The following DAB1 variants were observed in gnomAD, a reference collection of about 807,000 sequenced individuals.
DAB1 encodes DAB adaptor protein 1.
A neutral mutation model predicts 64.6 loss-of-function variants in DAB1; 15 were observed. That is an observed-to-expected ratio of 0.23 (90% CI 0.16 to 0.36). The LOEUF is 0.36. Ranked by LOEUF, DAB1 falls within the 10% of genes least tolerant of loss-of-function variation. The pLI is 1.00. For missense variants in DAB1, 596 were observed against 706.7 expected (o/e 0.84, Z 1.78); for synonymous variants, 235 against 251.9 (o/e 0.93, Z 0.64).
chr1:57,433,729 G>A (rs1218482000), intron 7 of DAB1, among the ~76,000 whole-genome samples: 2 of 151,268 alleles, frequency 1.3e-5, no homozygotes, highest in African/African-American at 4.9e-5. Context: ...ACAAACTTGG[G>A]GAAAATATTC....
intron 1 of DAB1, among the ~76,000 whole-genome samples, chr1:57,341,227 G>A (rs1677555301): frequency 6.6e-6 from 1 of 152,058 alleles, no homozygotes; most frequent in South Asian, 2.1e-4. Context: ...CTCTAATCTA[G>A]GGTTCCCTAC....
intron 4 of DAB1, among the ~76,000 whole-genome samples, chr1:57,084,446 G>A (rs1652855465): frequency 6.6e-6 from 1 of 152,166 alleles, no homozygotes; most frequent in Admixed American, 6.5e-5. Flanking sequence ...AAACATTTCT[G>A]TTGTTTCAGC....
At chr1:57,542,579 G>A (rs1042191225) in intron 7 of DAB1, among the ~76,000 whole-genome samples, 9 of 151,702 alleles carry the variant, frequency 5.9e-5, no homozygotes, top group African/African-American at 2.2e-4. Flanking sequence ...GGGAGAGGCT[G>A]GAAAACTACA....
intron 2 of DAB1, among the ~76,000 whole-genome samples, chr1:57,273,553 G>GCCTGCCTGCCTTCCTT (rs1558066796): frequency 3.2e-5 from 2 of 62,086 alleles, no homozygotes; most frequent in Non-Finnish European, 7.6e-5. Context: ...CTGCCTGCCT[G>GCCTGCCTGCCTTCCTT]CCTTCCTTCC....
chr1:57,695,071 T>C (rs962334329), intron 6 of DAB1, among the ~76,000 whole-genome samples: 1 of 151,592 alleles, frequency 6.6e-6, no homozygotes, highest in Non-Finnish European at 1.5e-5. Context: ...AAGAGTTGCA[T>C]AAATTAGCGG....
intron 3 of DAB1, among the ~76,000 whole-genome samples, chr1:58,349,138 C>T (rs1644027655): frequency 1.3e-5 from 2 of 152,312 alleles, no homozygotes; most frequent in South Asian, 2.1e-4. Flanking sequence ...GCTGATCACT[C>T]GGACCTTCTT....
At chr1:57,345,103 T>C (rs752715539) in intron 1 of DAB1, among the ~76,000 whole-genome samples, 2 of 152,152 alleles carry the variant, frequency 1.3e-5, no homozygotes, top group Non-Finnish European at 2.9e-5. Flanking sequence ...TTATTAATAA[T>C]AATAGGATTT....
At chr1:57,615,558 C>T (rs990082606) in intron 7 of DAB1, among the ~76,000 whole-genome samples, 8 of 152,166 alleles carry the variant, frequency 5.3e-5, no homozygotes, top group Non-Finnish European at 7.3e-5. Context: ...CCAGTATTAT[C>T]GTACTACTTG....
At chr1:57,482,910 G>C (rs1050910123) in intron 7 of DAB1, among the ~76,000 whole-genome samples, 1 of 152,156 alleles carries the variant, frequency 6.6e-6, no homozygotes, top group Non-Finnish European at 1.5e-5. Flanking sequence ...ACACAAAAGA[G>C]AGCACAGAGA....
chr1:57,139,088 C>A (rs1658367156), intron 3 of DAB1, among the ~76,000 whole-genome samples: 1 of 152,116 alleles, frequency 6.6e-6, no homozygotes, highest in African/African-American at 2.4e-5. Flanking sequence ...TCTCAGCTAT[C>A]CAGGATACAT....
intron 2 of DAB1, among the ~76,000 whole-genome samples, chr1:57,228,699 A>C (rs958581532): frequency 5.3e-5 from 8 of 152,224 alleles, no homozygotes; most frequent in African/African-American, 1.9e-4. Flanking sequence ...GAAGATGCAT[A>C]TACATAGTAA....
chr1:58,013,301 T>A (rs1185605591), intron 5 of DAB1, among the ~76,000 whole-genome samples: 1 of 152,184 alleles, frequency 6.6e-6, no homozygotes, highest in African/African-American at 2.4e-5. Flanking sequence ...AACTCCCAAG[T>A]GGTGTAATGT....
intron 5 of DAB1, among the ~76,000 whole-genome samples, chr1:57,981,047 A>G (rs1011304859): frequency 6.6e-6 from 1 of 152,062 alleles, no homozygotes; most frequent in African/African-American, 2.4e-5. Context: ...TTAAAAATAC[A>G]TAAATAGAAG....
At chr1:58,019,475 T>C (rs1646786485) in intron 5 of DAB1, among the ~76,000 whole-genome samples, 1 of 152,198 alleles carries the variant, frequency 6.6e-6, no homozygotes. Flanking sequence ...CTAACAATTA[T>C]TGCCTACGTA....
At chr1:58,522,107 G>T (rs151160076) in intron 2 of DAB1, among the ~76,000 whole-genome samples, 1,848 of 152,216 alleles carry the variant, frequency 0.012, 15 homozygotes, top group Non-Finnish European at 0.021. Flanking sequence ...AAAAATTAAT[G>T]TAATTTGCCC....
At chr1:57,428,904 G>A (rs1382456433), upstream of DAB1, among the ~76,000 whole-genome samples, 1 of 139,682 alleles carries the variant, frequency 7.2e-6, no homozygotes, top group Non-Finnish European at 1.6e-5. Context: ...TTTTTTTGTT[G>A]TTGTTGTTGT....
chr1:57,661,991 A>AAAAGAT (rs1264131377), intron 6 of DAB1, among the ~76,000 whole-genome samples: 3 of 152,032 alleles, frequency 2.0e-5, no homozygotes, highest in Non-Finnish European at 2.9e-5. Context: ...CCGTAAAGAT[A>AAAAGAT]AAATATCCTG....
intron 8 of DAB1, among the ~76,000 whole-genome samples, chr1:57,064,202 C>T (rs966897460): frequency 3.3e-5 from 5 of 152,192 alleles, no homozygotes; most frequent in Non-Finnish European, 5.9e-5. Flanking sequence ...TTTTTCATCT[C>T]ATTTAACTTA....
chr1:57,537,774 A>G (rs1644747655), intron 7 of DAB1, among the ~76,000 whole-genome samples: 1 of 152,164 alleles, frequency 6.6e-6, no homozygotes, highest in African/African-American at 2.4e-5. Flanking sequence ...TGTTGCTATA[A>G]AGGAGCATCT....
Sources: allele counts gnomAD v4.1 joint callset (sites outside exome capture counted in the v4.1 genomes callset), GRCh38; gene constraint gnomAD v4.1.1; transcripts MANE v1.5; gene names NCBI Gene and HGNC (gene_info 2026-07-23, HGNC 2026-07-21).